The following RAD51B variants were observed in gnomAD, a reference collection of about 807,000 sequenced individuals.
RAD51B encodes RAD51 paralog B, also known as DNA repair protein RAD51 homolog 2.
RAD51B carries 38 observed loss-of-function variants against 42.2 expected under a neutral mutation model. The observed-to-expected ratio is 0.90, with a 90% CI of 0.70 to 1.18. The LOEUF (loss-of-function observed/expected upper bound fraction) is 1.18, where lower values mean the gene tolerates loss of function less well. Ranked by LOEUF, RAD51B falls within the 50% of genes most tolerant of loss-of-function variation. The pLI, the probability that RAD51B is intolerant of heterozygous loss-of-function variation, is 0.00. For missense variants in RAD51B, 373 were observed against 400.7 expected, an observed-to-expected ratio of 0.93 and a Z score of 0.59; for synonymous variants, 154 against 145.2, an observed-to-expected ratio of 1.06 and a Z score of -0.43.
chr14:68,515,442 TC>T (rs869088326), intron 10 of RAD51B, among the ~76,000 whole-genome samples: 3,498 of 71,086 alleles, frequency 0.049, 48 homozygotes, highest in Non-Finnish European at 0.078. Context: ...TTCTTCTTCT[TC>T]TTTTTTTTTT....
chr14:68,540,267 C>A (rs1326581239), intron 10 of RAD51B: 1 of 1,011,068 alleles, frequency 9.9e-7, no homozygotes, highest in Non-Finnish European at 1.2e-6. Flanking sequence ...GCACCCTGTT[C>A]AAGGTTCAAG....
At chr14:68,219,397 T>C (rs2079879810) in intron 7 of RAD51B, among the ~76,000 whole-genome samples, 1 of 152,054 alleles carries the variant, frequency 6.6e-6, no homozygotes, top group South Asian at 2.1e-4. Context: ...ACAAAACCAA[T>C]TCACTAAACA....
chr14:68,318,396 GA>G (rs1566805376), intron 8 of RAD51B, among the ~76,000 whole-genome samples: 1 of 151,566 alleles, frequency 6.6e-6, no homozygotes, highest in East Asian at 1.9e-4. Context: ...CTGAGAAAAA[GA>G]AAAAAAAGAA....
chr14:68,163,369 A>G (rs2078684065), intron 7 of RAD51B, among the ~76,000 whole-genome samples: 1 of 152,166 alleles, frequency 6.6e-6, no homozygotes, highest in African/African-American at 2.4e-5. Context: ...ATCAGACCCA[A>G]CCCAGATCAA....
At chr14:68,578,795 A>G (rs556797848) in intron 10 of RAD51B, among the ~76,000 whole-genome samples, 9 of 152,310 alleles carry the variant, frequency 5.9e-5, no homozygotes, top group Non-Finnish European at 1.5e-5. Flanking sequence ...GCAGACAGAG[A>G]GGTGACAAGA....
chr14:68,022,281 G>A (rs1242730660), intron 7 of RAD51B, among the ~76,000 whole-genome samples: 2 of 152,158 alleles, frequency 1.3e-5, no homozygotes, highest in Admixed American at 1.3e-4. Flanking sequence ...TTACATGGCT[G>A]TGTAGTATTT....
At chr14:68,239,490 G>A (rs1208377653) in intron 7 of RAD51B, among the ~76,000 whole-genome samples, 1 of 151,740 alleles carries the variant, frequency 6.6e-6, no homozygotes, top group Non-Finnish European at 1.5e-5. Context: ...TTCCCAAAAA[G>A]CTGTCCTTCT....
At chr14:68,544,332 A>G (rs973044461) in intron 10 of RAD51B, among the ~76,000 whole-genome samples, 6 of 152,138 alleles carry the variant, frequency 3.9e-5, no homozygotes, top group Non-Finnish European at 7.3e-5. Flanking sequence ...AATCACCACC[A>G]CTTACTACAG....
At chr14:68,028,922 G>T (rs1566589988) in intron 7 of RAD51B, among the ~76,000 whole-genome samples, 1 of 152,232 alleles carries the variant, frequency 6.6e-6, no homozygotes, top group Non-Finnish European at 1.5e-5. Flanking sequence ...TTGGCTCCAT[G>T]CTGGCTGAAG....
intron 7 of RAD51B, chr14:68,149,600 T>C (rs2078330874): frequency 6.6e-6 from 1 of 152,242 alleles, no homozygotes; most frequent in Non-Finnish European, 1.5e-5. Flanking sequence ...TTTGTGAATG[T>C]ATGCATGTAT....
rs11849795 is a variant in RAD51B at position 68,274,189 on chromosome 14, A to G, written c.757-17695A>G. On this transcript the variant is annotated intron_variant, in intron 7 of 10. Transcript: ENST00000471583. Reference sequence around the variant, plus strand: ...TATGGACGATGACCATAGGGTACTTACACCATTCTCTCCTTCCATTTCACT... The same window carrying G: ...TATGGACGATGACCATAGGGTACTTGCACCATTCTCTCCTTCCATTTCACT... Among the ~76,000 whole-genome samples, 279 of 152,222 alleles carry G rather than the reference A, an allele frequency of 1.8e-3. 1 individual carries two copies. The highest frequency in any genetic ancestry group is 6.4e-3 in the African/African-American group (265 of 41,540).
At chr14:68,429,065 C>G (rs1244303577) in intron 9 of RAD51B, among the ~76,000 whole-genome samples, 3 of 151,996 alleles carry the variant, frequency 2.0e-5, no homozygotes, top group Non-Finnish European at 2.9e-5. Context: ...TCATCCATGT[C>G]CCTACAAAGG....
At chr14:68,026,854 T>C (rs1337630623) in intron 7 of RAD51B, among the ~76,000 whole-genome samples, 1 of 152,190 alleles carries the variant, frequency 6.6e-6, no homozygotes, top group Non-Finnish European at 1.5e-5. Context: ...CGGTTAGTAT[T>C]GATATGTGAG....
At chr14:68,146,411 T>C (rs918898604) in intron 7 of RAD51B, among the ~76,000 whole-genome samples, 3 of 152,054 alleles carry the variant, frequency 2.0e-5, no homozygotes, top group Admixed American at 6.6e-5. Context: ...GGCAACAGAC[T>C]GAGACTCTGT....
intron 7 of RAD51B, among the ~76,000 whole-genome samples, chr14:68,116,420 G>A (rs1191945404): frequency 1.3e-5 from 2 of 150,910 alleles, no homozygotes; most frequent in East Asian, 3.9e-4. Context: ...AGCATAAGTA[G>A]CATGATTTGA....
chr14:68,087,941 ATTATTATATATAATTATATAATTTAT>A (rs1566634487), intron 7 of RAD51B, among the ~76,000 whole-genome samples: 22 of 77,552 alleles, frequency 2.8e-4, no homozygotes, highest in African/African-American at 1.7e-3. Context: ...TATATAATTT[ATTATTATATATAATTATATAATTTAT>A]TATTATATAT....
At chr14:68,496,259 G>A (rs542208108) in intron 10 of RAD51B, among the ~76,000 whole-genome samples, 12 of 152,276 alleles carry the variant, frequency 7.9e-5, no homozygotes, top group African/African-American at 1.2e-4. Flanking sequence ...AAAAGTCACC[G>A]GAAAAAATGG....
At position 67,885,260 on chromosome 14, in the gene RAD51B, T is replaced by C. The variant is rs34682973; in HGVS notation, c.453-609T>C. On this transcript the variant is annotated intron_variant, in intron 5 of 10. Transcript: ENST00000471583. ...GATGGCATTTTAACTTGTCACTCTC[T>C]TGTGTTTGGCCTACTGCATGTATTA... 1.7e-3 allele frequency among the ~76,000 whole-genome samples: 266 copies of C among 152,332 alleles called. 10 individuals are homozygous for C. In the East Asian group the frequency reaches 0.046, roughly 26 times the overall value.
intron 5 of RAD51B, among the ~76,000 whole-genome samples, chr14:67,866,207 C>A (rs947053703): frequency 6.6e-6 from 1 of 152,002 alleles, no homozygotes; most frequent in Non-Finnish European, 1.5e-5. Flanking sequence ...GATTTAAAAG[C>A]CTTATTGATC....
Sources: gnomAD v4.1 joint callset for allele counts (sites outside exome capture counted in the v4.1 genomes callset) on GRCh38, gnomAD v4.1.1 for gene constraint, MANE v1.5 for transcripts, NCBI Gene and HGNC (gene_info 2026-07-23, HGNC 2026-07-21) for gene names.